The following PTPRD variants were observed in gnomAD, a reference collection of about 807,000 sequenced individuals.
PTPRD encodes the protein receptor-type tyrosine-protein phosphatase delta.
A neutral mutation model predicts 214.5 loss-of-function variants in PTPRD; 34 were observed. The observed-to-expected ratio is 0.16, with a 90% CI of 0.12 to 0.21. PTPRD has a LOEUF of 0.21. Among genes scored for constraint, PTPRD ranks in the 10% least tolerant of loss-of-function variants. PTPRD has a pLI of 1.00. For synonymous variants in PTPRD, 1,128 were observed against 845.7 expected, an observed-to-expected ratio of 1.33 and a Z score of -5.79; for missense variants, 2,545 against 2,398.7, an observed-to-expected ratio of 1.06 and a Z score of -1.27.
At chr9:9,892,164 T>A (rs1352834595) in intron 5 of PTPRD, among the ~76,000 whole-genome samples, 1 of 152,040 alleles carries the variant, frequency 6.6e-6, no homozygotes, top group African/African-American at 2.4e-5. Flanking sequence ...GGGCAGGTGC[T>A]GATAAGTTCT....
chr9:10,517,014 A>C (rs1298315687), intron 2 of PTPRD, among the ~76,000 whole-genome samples: 2 of 151,918 alleles, frequency 1.3e-5, no homozygotes, highest in East Asian at 3.9e-4. Flanking sequence ...CAATGCTTTC[A>C]ATTTTGTTCT....
At chr9:10,326,047 A>G (rs1220723934) in intron 3 of PTPRD, among the ~76,000 whole-genome samples, 1 of 151,826 alleles carries the variant, frequency 6.6e-6, no homozygotes, top group African/African-American at 2.4e-5. Flanking sequence ...TGATCCACTG[A>G]TTAATTGTAA....
intron 8 of PTPRD, among the ~76,000 whole-genome samples, chr9:9,441,351 T>C (rs1326261539): frequency 6.6e-6 from 1 of 152,052 alleles, no homozygotes; most frequent in East Asian, 1.9e-4. Flanking sequence ...GAAAGATGAA[T>C]AGGAAGAAGA....
chr9:9,957,907 C>T (rs567637077), intron 4 of PTPRD, among the ~76,000 whole-genome samples: 135 of 151,928 alleles, frequency 8.9e-4, no homozygotes, highest in Non-Finnish European at 1.6e-3. Flanking sequence ...TTAGAAGAGC[C>T]CAGAATCAGA....
chr9:8,411,490 G>C (rs2093519041), intron 35 of PTPRD, among the ~76,000 whole-genome samples: 1 of 151,982 alleles, frequency 6.6e-6, no homozygotes, highest in South Asian at 2.1e-4. Context: ...TTTTAGTAGA[G>C]GCAGGGTTTC....
intron 33 of PTPRD, among the ~76,000 whole-genome samples, chr9:8,453,781 C>T (rs1323588): frequency 0.45 from 68,969 of 151,856 alleles, 16,203 homozygotes; most frequent in East Asian, 0.58. Flanking sequence ...AGGTCTGAGG[C>T]GGGGTCCAAG....
intron 4 of PTPRD, among the ~76,000 whole-genome samples, chr9:9,968,250 G>C (rs377761421): frequency 4.6e-5 from 7 of 152,274 alleles, no homozygotes; most frequent in African/African-American, 1.4e-4. Context: ...TCAACTTCCA[G>C]TGAAGCTGGA....
At position 8,353,965 on chromosome 9, in the gene PTPRD, T is replaced by G. The variant is rs1157069311; in HGVS notation, c.4662-11987A>C. 6.3e-4 allele frequency among the ~76,000 whole-genome samples: 27 copies of G among 42,952 alleles called. 1 individual carries two copies. The highest frequency in any genetic ancestry group is 1.3e-3 in the African/African-American group (25 of 19,904). The allele number at this position is 42,952 out of a possible 152,430, so 28.2% of individuals were successfully genotyped here. A position where few individuals can be genotyped will look rare whatever the true frequency, so the allele number is the denominator to read the frequency against. On this transcript the variant is annotated intron_variant, in intron 39 of 45. Transcript: ENST00000381196. ...ATATATATATATATATATATATATG[T>G]TTTTTTTTTTTTGAGAAGGAGTCTC...
chr9:8,557,455 T>TATATAC, intron 14 of PTPRD, among the ~76,000 whole-genome samples: 3 of 135,628 alleles, frequency 2.2e-5, no homozygotes, highest in African/African-American at 1.0e-4. Flanking sequence ...TATATATATA[T>TATATAC]ATTTGGGCCG....
At chr9:8,813,028 G>GA (rs1345444415) in intron 11 of PTPRD, among the ~76,000 whole-genome samples, 10 of 138,426 alleles carry the variant, frequency 7.2e-5, no homozygotes, top group Admixed American at 2.9e-4. Flanking sequence ...AATAAACTGA[G>GA]AAAATAGGAT....
intron 12 of PTPRD, among the ~76,000 whole-genome samples, chr9:8,705,108 G>C (rs1318012488): frequency 6.6e-6 from 1 of 151,874 alleles, no homozygotes; most frequent in African/African-American, 2.4e-5. Flanking sequence ...TTAAAAAAAG[G>C]GCTCAGTGTT....
chr9:9,960,088 T>G (rs1406265458), intron 4 of PTPRD, among the ~76,000 whole-genome samples: 1 of 151,606 alleles, frequency 6.6e-6, no homozygotes, highest in Admixed American at 6.6e-5. Flanking sequence ...GCTCCTTAAA[T>G]AAACGACTGA....
chr9:9,132,151 G>A (rs550592972), intron 10 of PTPRD, among the ~76,000 whole-genome samples: 19 of 152,216 alleles, frequency 1.2e-4, no homozygotes, highest in Admixed American at 5.9e-4. Flanking sequence ...GGGGCTACAG[G>A]CGCCCGCCAC....
intron 4 of PTPRD, among the ~76,000 whole-genome samples, chr9:9,945,185 T>A (rs1388446211): frequency 6.6e-6 from 1 of 152,102 alleles, no homozygotes; most frequent in African/African-American, 2.4e-5. Context: ...TATTAGGAGA[T>A]CCACGTGGAA....
At chr9:9,762,647 A>C (rs2098669148) in intron 6 of PTPRD, among the ~76,000 whole-genome samples, 1 of 152,194 alleles carries the variant, frequency 6.6e-6, no homozygotes, top group Admixed American at 6.5e-5. Flanking sequence ...AAAAGGATTG[A>C]TTCTCTTCCA....
At chr9:9,288,779 C>T (rs947307246) in intron 9 of PTPRD, among the ~76,000 whole-genome samples, 7 of 151,748 alleles carry the variant, frequency 4.6e-5, no homozygotes, top group African/African-American at 1.5e-4. Flanking sequence ...GGGTGGGACC[C>T]AGTGGGAGGT....
intron 10 of PTPRD, among the ~76,000 whole-genome samples, chr9:9,133,090 T>C (rs554792351): frequency 6.6e-6 from 1 of 152,336 alleles, no homozygotes; most frequent in South Asian, 2.1e-4. Flanking sequence ...ATCAGGGTTA[T>C]TTTTACAGAT....
intron 5 of PTPRD, among the ~76,000 whole-genome samples, chr9:9,851,797 A>C (rs1301231352): frequency 6.6e-6 from 1 of 152,162 alleles, no homozygotes; most frequent in Non-Finnish European, 1.5e-5. Flanking sequence ...AACAACAACA[A>C]CTAAGTATAA....
chr9:8,870,732 G>A (rs931281445), intron 11 of PTPRD, among the ~76,000 whole-genome samples: 98 of 54,562 alleles, frequency 1.8e-3, no homozygotes, highest in African/African-American at 6.5e-3. Context: ...ACACACACGG[G>A]AGTTCAGCAC....
Sources: allele counts gnomAD v4.1 joint callset (sites outside exome capture counted in the v4.1 genomes callset), GRCh38; gene constraint gnomAD v4.1.1; transcripts MANE v1.5; gene names NCBI Gene and HGNC (gene_info 2026-07-23, HGNC 2026-07-21).